The following PRDM16 variants were observed in gnomAD, a reference collection of about 807,000 sequenced individuals.
PRDM16 encodes histone-lysine N-methyltransferase PRDM16.
PRDM16 carries 23 observed loss-of-function variants against 110.6 expected under a neutral mutation model. That is an observed-to-expected ratio of 0.21 (90% CI 0.15 to 0.29). The LOEUF is 0.29. PRDM16 is among the 10% of genes least tolerant of loss of function. The pLI is 1.00. For synonymous variants in PRDM16, 799 were observed against 781.8 expected, an observed-to-expected ratio of 1.02 and a Z score of -0.37; for missense variants, 1,615 against 1,794.3, an observed-to-expected ratio of 0.90 and a Z score of 1.81.
chr1:3,127,370 C>T (rs893801196), intron 1 of PRDM16, among the ~76,000 whole-genome samples: 1 of 152,208 alleles, frequency 6.6e-6, no homozygotes, highest in Non-Finnish European at 1.5e-5. Flanking sequence ...CTGATATCAT[C>T]TTACCCAGAC....
At position 3,105,970 on chromosome 1, in the gene PRDM16, T is replaced by G. The variant is rs113383073; in HGVS notation, c.37+36674T>G. Among the ~76,000 whole-genome samples the G allele has an allele frequency of 3.1e-4, 46 of 149,196 alleles. 1 individual carries two copies. Among genetic ancestry groups the G allele is most frequent in the Non-Finnish European group, 5.2e-4 (35 of 67,652 alleles). On this transcript the variant is annotated intron_variant, in intron 1 of 16. Coordinates refer to ENST00000270722, the MANE Select transcript of PRDM16 (RefSeq NM_022114.4). ...GGTCCACCTGTGCTCCTTAGTTGGGTGGGGGCAGGACATGTCCTGAAAGCT... is the reference window on the plus strand; with the variant it reads ...GGTCCACCTGTGCTCCTTAGTTGGGGGGGGGCAGGACATGTCCTGAAAGCT...
chr1:3,360,814 G>T (rs1186521292), intron 3 of PRDM16, among the ~76,000 whole-genome samples: 1 of 152,176 alleles, frequency 6.6e-6, no homozygotes, highest in Non-Finnish European at 1.5e-5. Context: ...CATCCCACCC[G>T]CCTGGCTCCC....
chr1:3,390,834 GTTT>G lies in PRDM16; in HGVS notation c.573+5565_573+5567del, dbSNP rs34675402. Among the ~76,000 whole-genome samples, 3 of 125,690 alleles carry G rather than the reference GTTT, an allele frequency of 2.4e-5. No homozygotes were observed. Among genetic ancestry groups the G allele is most frequent in the Non-Finnish European group, 1.6e-5 (1 of 60,886 alleles). 82.5% of individuals were successfully genotyped at this position (125,690 alleles called of 152,430 possible). ...CCTTTGCTTTTATCTCTCACAGTGT[GTTT>G]TTTTTTTTTTTTTTTTAGACAGAGT... On this transcript the variant is annotated intron_variant, in intron 4 of 16. Coordinates refer to ENST00000270722, the MANE Select transcript of PRDM16 (RefSeq NM_022114.4). The surrounding 1 kb of genome is among the most constrained non-coding windows in gnomAD (Gnocchi z 5.0).
At chr1:3,217,173 G>A (rs938327590) in intron 2 of PRDM16, among the ~76,000 whole-genome samples, 2 of 152,264 alleles carry the variant, frequency 1.3e-5, no homozygotes, top group Non-Finnish European at 2.9e-5. Context: ...ACCGTGAAAC[G>A]GGCATTCGCC....
intron 1 of PRDM16, among the ~76,000 whole-genome samples, chr1:3,102,938 G>A (rs776638562): frequency 6.6e-6 from 1 of 152,218 alleles, no homozygotes; most frequent in African/African-American, 2.4e-5. Context: ...GGTGATGTGA[G>A]TCTGAATGTA....
At position 3,122,785 on chromosome 1, in the gene PRDM16, G is replaced by GTATTT. The variant is rs557281567; in HGVS notation, c.37+53505_37+53509dup. On this transcript the variant is annotated intron_variant, in intron 1 of 16. Transcript: ENST00000270722. ...TTAATAAGGGGTGGGAGATGCTGTT[G>GTATTT]TATTTTATTTTATTTTATTTCTACT... Among the ~76,000 whole-genome samples the GTATTT allele has an allele frequency of 2.8e-3, 422 of 152,280 alleles. 5 individuals carry two copies. Among genetic ancestry groups the GTATTT allele is most frequent in the African/African-American group, 9.6e-3 (401 of 41,560 alleles).
chr1:3,223,558 A>G (rs1176089096), intron 2 of PRDM16, among the ~76,000 whole-genome samples: 1 of 152,174 alleles, frequency 6.6e-6, no homozygotes, highest in African/African-American at 2.4e-5. Flanking sequence ...GTGAATCTAG[A>G]ATAACATTGC....
chr1:3,146,281 C>T (rs10909885), intron 1 of PRDM16, among the ~76,000 whole-genome samples: 9,864 of 152,300 alleles, frequency 0.065, 673 homozygotes, highest in East Asian at 0.24. Context: ...GGGGGGCCTC[C>T]CCGCTAACAG....
chr1:3,331,131 C>T (rs930251500), intron 3 of PRDM16, among the ~76,000 whole-genome samples: 3 of 152,228 alleles, frequency 2.0e-5, no homozygotes, highest in South Asian at 2.1e-4. Flanking sequence ...TCCTGCCCTT[C>T]GGCCTGGGAG....
chr1:3,271,793 C>G (rs1445066666), intron 3 of PRDM16, among the ~76,000 whole-genome samples: 1 of 152,184 alleles, frequency 6.6e-6, no homozygotes, highest in African/African-American at 2.4e-5. Context: ...ATCTCTGACC[C>G]CCAGCACGGA....
At chr1:3,362,607 T>G (rs1010180222) in intron 3 of PRDM16, among the ~76,000 whole-genome samples, 1 of 152,080 alleles carries the variant, frequency 6.6e-6, no homozygotes, top group African/African-American at 2.4e-5. Context: ...GCCGAGGGCC[T>G]TCGGGTCACA....
At position 3,437,519 on chromosome 1, in the gene PRDM16, G is replaced by T. The variant is rs143827174; in HGVS notation, c.*3708G>T. On this transcript the variant is annotated 3_prime_UTR_variant, in exon 17 of 17. Transcript: ENST00000270722. ...GCTCGCCCCTGCACTGCAGCCTTGT[G>T]GGGGAGGGCAAGGCTCTCCTCCCAG... 446 of 229,230 alleles carry T rather than the reference G, an allele frequency of 1.9e-3. 3 individuals carry two copies. Among genetic ancestry groups the T allele is most frequent in the African/African-American group, 9.0e-3 (406 of 45,184 alleles). The allele number at this position is 229,230 out of a possible 1,614,324, so 14.2% of individuals were successfully genotyped here.
At chr1:3,217,505 T>C (rs145104552) in intron 2 of PRDM16, among the ~76,000 whole-genome samples, 10 of 152,338 alleles carry the variant, frequency 6.6e-5, no homozygotes, top group Non-Finnish European at 1.5e-4. Flanking sequence ...CTGCTCCTTA[T>C]TCCAGATGAA....
Position 3,314,071 on chromosome 1 carries a change from C to CCGG in PRDM16, c.438+69934_438+69935insCGG, listed in dbSNP as rs1553161914. On this transcript the variant is annotated intron_variant, in intron 3 of 16. Transcript: ENST00000270722. ...GCCCCCGAATGCCGTCCTTCCCCAC[C>CCGG]GGGGGGGGGGGCGGGAACATAAAAT... Among the ~76,000 whole-genome samples the CCGG allele has an allele frequency of 1.6e-3, 160 of 100,642 alleles. 18 individuals carry two copies. In the East Asian group the frequency reaches 0.035, roughly 22 times the overall value. 66.0% of individuals were successfully genotyped at this position (100,642 alleles called of 152,430 possible). A position where few individuals can be genotyped will look rare whatever the true frequency, so the allele number is the denominator to read the frequency against.
chr1:3,255,620 A>T lies in PRDM16; in HGVS notation c.438+11483A>T, dbSNP rs1219775623. ...AGCACACGGTGCCCCTCCTTATCGC[A>T]TTCAACTTAGCTGCTGTGGGCAAGC... On this transcript the variant is annotated intron_variant, in intron 3 of 16. Coordinates refer to ENST00000270722, the MANE Select transcript of PRDM16 (RefSeq NM_022114.4). The surrounding 1 kb of genome is among the most constrained non-coding windows in gnomAD (Gnocchi z 4.7). 2.0e-5 allele frequency among the ~76,000 whole-genome samples: 3 copies of T among 152,154 alleles called. No individual in the cohort carries two copies. Among genetic ancestry groups the T allele is most frequent in the African/African-American group, 7.2e-5 (3 of 41,448 alleles).
chr1:3,160,671 C>G (rs188245363), intron 1 of PRDM16, among the ~76,000 whole-genome samples: 163 of 152,322 alleles, frequency 1.1e-3, no homozygotes, highest in African/African-American at 3.8e-3. Flanking sequence ...AGAACCCCGT[C>G]TGGGGCTGAC....
intron 1 of PRDM16, among the ~76,000 whole-genome samples, chr1:3,131,235 G>C (rs1008032669): frequency 6.6e-6 from 1 of 152,080 alleles, no homozygotes; most frequent in South Asian, 2.1e-4. Flanking sequence ...GACATTTCTC[G>C]TCATTGTCCA....
chr1:3,160,761 T>G (rs553151238), intron 1 of PRDM16, among the ~76,000 whole-genome samples: 2 of 152,312 alleles, frequency 1.3e-5, no homozygotes, highest in South Asian at 4.1e-4. Flanking sequence ...ACTGCAAGAA[T>G]GGGCCCATTT....
rs188799449 is a variant in PRDM16 at position 3,074,492 on chromosome 1, A to T, written c.37+5196A>T. ...TCAAGGCCAATGCTCAACTTGTAGC[A>T]GGTCTGTTCTTAAAAAGCAGGCAGG... On this transcript the variant is annotated intron_variant, in intron 1 of 16. Transcript: ENST00000270722. 1.4e-4 allele frequency among the ~76,000 whole-genome samples: 21 copies of T among 152,202 alleles called. No individual in the cohort carries two copies. In the East Asian group the frequency reaches 3.9e-3, roughly 28 times the overall value.
Sources: allele counts gnomAD v4.1 joint callset (sites outside exome capture counted in the v4.1 genomes callset), GRCh38; gene constraint gnomAD v4.1.1; non-coding constraint Gnocchi (gnomAD v3.1); transcripts MANE v1.5; gene names NCBI Gene and HGNC (gene_info 2026-07-23, HGNC 2026-07-21).